Variants in TRABD2B observed in about 807,000 individuals in gnomAD.
TRABD2B encodes TraB domain containing 2B, also known as metalloprotease TIKI2.
A neutral mutation model predicts 40.1 loss-of-function variants in TRABD2B; 14 were observed. The observed-to-expected ratio is 0.35, with a 90% CI of 0.23 to 0.55. The LOEUF is 0.55. Ranked by LOEUF, TRABD2B falls within the 20% of genes least tolerant of loss-of-function variation. The probability of loss-of-function intolerance (pLI) is 0.90; values close to 1 mark genes in which losing one functional copy is unlikely to be tolerated. For synonymous variants in TRABD2B, 263 were observed against 277.0 expected (o/e 0.95, Z 0.50); for missense variants, 541 against 648.6 (o/e 0.83, Z 1.80).
chr1:47,952,150 G>A (rs1557676502), intron 2 of TRABD2B, among the ~76,000 whole-genome samples: 2 of 152,324 alleles, frequency 1.3e-5, no homozygotes, highest in Middle Eastern at 6.8e-3. Context: ...ATTATGCCAT[G>A]TGCCACACTC....
intron 2 of TRABD2B, among the ~76,000 whole-genome samples, chr1:47,843,307 C>T (rs141908873): frequency 7.9e-5 from 12 of 152,256 alleles, no homozygotes; most frequent in African/African-American, 2.9e-4. Flanking sequence ...GGACCCTGGT[C>T]CAGCGGCTTA....
chr1:47,990,828 T>C (rs1451679989), intron 2 of TRABD2B, among the ~76,000 whole-genome samples: 1 of 87,204 alleles, frequency 1.1e-5, no homozygotes, highest in Non-Finnish European at 2.2e-5. Flanking sequence ...TATATATATA[T>C]ATATATAAAA....
intron 2 of TRABD2B, among the ~76,000 whole-genome samples, chr1:47,984,211 G>T (rs764187445): frequency 1.3e-5 from 2 of 152,236 alleles, no homozygotes; most frequent in South Asian, 2.1e-4. Context: ...TGGCTGCCCG[G>T]GCAGGGCTGG....
intron 2 of TRABD2B, among the ~76,000 whole-genome samples, chr1:47,915,384 A>G (rs754379847): frequency 6.6e-6 from 1 of 152,214 alleles, no homozygotes; most frequent in Non-Finnish European, 1.5e-5. Context: ...TTTCAGAGCC[A>G]GAGGCACGGG....
intron 2 of TRABD2B, among the ~76,000 whole-genome samples, chr1:47,919,848 G>C (rs72898156): frequency 0.022 from 3,363 of 152,304 alleles, 62 homozygotes; most frequent in South Asian, 0.063. Context: ...TCCTGGAGAG[G>C]GGGGTGCTGG....
At chr1:47,797,914 G>A (rs1644769790) in intron 3 of TRABD2B, among the ~76,000 whole-genome samples, 1 of 152,164 alleles carries the variant, frequency 6.6e-6, no homozygotes, top group Non-Finnish European at 1.5e-5. Context: ...GATGAGTTCA[G>A]TGTAGTCTTC....
chr1:47,996,748 G>A lies in TRABD2B; in HGVS notation c.42C>T (p.Leu14=), dbSNP rs1490577632. The A allele has an allele frequency of 2.5e-6, 3 of 1,223,586 alleles. No homozygotes were observed. Among genetic ancestry groups the A allele is most frequent in the Non-Finnish European group, 3.1e-6 (3 of 982,040 alleles). 75.8% of individuals were successfully genotyped at this position (1,223,586 alleles called of 1,614,324 possible). A position where few individuals can be genotyped will look rare whatever the true frequency, so the allele number is the denominator to read the frequency against. ...ALAGPLLAAL[L]ATARARPQPP... Reference sequence around the variant, plus strand: ...GCTGCGGGCGGGCGCGAGCGGTGGCGAGGAGGGCGGCGAGCAGCGGCCCCG... The same window carrying A: ...GCTGCGGGCGGGCGCGAGCGGTGGCAAGGAGGGCGGCGAGCAGCGGCCCCG... Residue 14 remains leucine (L), a synonymous_variant, in exon 1 of 7, where the codon CTC becomes CTT. Coordinates refer to ENST00000606738, the MANE Select transcript of TRABD2B (RefSeq NM_001194986.2). This position sits in a 1 kb window ranked among gnomAD's most constrained non-coding sequence, Gnocchi z 4.6.
intron 2 of TRABD2B, among the ~76,000 whole-genome samples, chr1:47,896,182 G>A (rs1319675531): frequency 6.6e-6 from 1 of 152,204 alleles, no homozygotes; most frequent in African/African-American, 2.4e-5. Flanking sequence ...CACCTCCCCA[G>A]GAAGGACCTC....
chr1:47,866,956 C>T (rs1644067330), intron 2 of TRABD2B, among the ~76,000 whole-genome samples: 1 of 152,228 alleles, frequency 6.6e-6, no homozygotes, highest in Non-Finnish European at 1.5e-5. Context: ...GGCCCTGTCA[C>T]AGCCAATCTG....
chr1:47,976,232 A>C, intron 2 of TRABD2B, among the ~76,000 whole-genome samples: 1 of 152,174 alleles, frequency 6.6e-6, no homozygotes, highest in East Asian at 1.9e-4. Context: ...AGAATTAATC[A>C]GTGAATTATA....
At chr1:47,928,940 A>G (rs1274285671) in intron 2 of TRABD2B, among the ~76,000 whole-genome samples, 1 of 152,248 alleles carries the variant, frequency 6.6e-6, no homozygotes, top group Admixed American at 6.5e-5. Context: ...CTGCTTTAAC[A>G]TAACTTACAA....
At chr1:47,909,793 C>CATT (rs1557651403) in intron 2 of TRABD2B, among the ~76,000 whole-genome samples, 1 of 1,008 alleles carries the variant, frequency 9.9e-4, no homozygotes, top group Non-Finnish European at 2.0e-3. Context: ...TCCCCATCCC[C>CATT]CCCCCCCTTC....
intron 2 of TRABD2B, among the ~76,000 whole-genome samples, chr1:47,826,802 G>A (rs1047713314): frequency 5.9e-5 from 9 of 152,170 alleles, no homozygotes; most frequent in Non-Finnish European, 8.8e-5. Context: ...CAAACTCCTA[G>A]CCTCAAGTGA....
chr1:47,785,709 A>G (rs1395366257), intron 4 of TRABD2B, among the ~76,000 whole-genome samples: 1 of 152,228 alleles, frequency 6.6e-6, no homozygotes, highest in Non-Finnish European at 1.5e-5. Flanking sequence ...AGCACAGGAC[A>G]GAGCCTGTGA....
intron 6 of TRABD2B, among the ~76,000 whole-genome samples, chr1:47,774,071 G>A (rs1475853696): frequency 1.3e-5 from 2 of 152,032 alleles, no homozygotes; most frequent in South Asian, 2.1e-4. Context: ...GTGTAGTCAG[G>A]GCTTCCCACA....
At chr1:47,898,683 T>C (rs141718493) in intron 2 of TRABD2B, among the ~76,000 whole-genome samples, 113 of 152,310 alleles carry the variant, frequency 7.4e-4, no homozygotes, top group African/African-American at 2.5e-3. Flanking sequence ...AGCCTTGATC[T>C]CTCCCACGTT....
chr1:47,943,354 C>A (rs1401811319), intron 2 of TRABD2B, among the ~76,000 whole-genome samples: 1 of 152,114 alleles, frequency 6.6e-6, no homozygotes, highest in African/African-American at 2.4e-5. Flanking sequence ...CTTCTACGTC[C>A]CATTATTACA....
intron 6 of TRABD2B, among the ~76,000 whole-genome samples, chr1:47,767,862 A>G (rs1644326319): frequency 6.6e-6 from 1 of 152,226 alleles, no homozygotes; most frequent in South Asian, 2.1e-4. Flanking sequence ...ACAGCTGGCC[A>G]TAATCACAGT....
Position 47,762,275 on chromosome 1 carries a change from G to C in TRABD2B, c.*3627C>G, listed in dbSNP as rs1557545543. ...CTGGTCAGCAGGGTTGGGTCACGAA[G>C]GGTCTAGCGGACACTTCAGGGTGAG... On this transcript the variant is annotated 3_prime_UTR_variant, in exon 7 of 7. Transcript: ENST00000606738. 6.6e-6 allele frequency: 1 copy of C among 152,180 alleles called. No homozygotes were observed. The highest frequency in any genetic ancestry group is 1.9e-4 in the East Asian group (1 of 5,178). 9.4% of individuals were successfully genotyped at this position (152,180 alleles called of 1,614,324 possible).
Sources: gnomAD v4.1 joint callset for allele counts (sites outside exome capture counted in the v4.1 genomes callset) on GRCh38, gnomAD v4.1.1 for gene constraint, Gnocchi (gnomAD v3.1) non-coding constraint, MANE v1.5 for transcripts, NCBI Gene and HGNC (gene_info 2026-07-23, HGNC 2026-07-21) for gene names.